The following ZMYND8 variants were observed in gnomAD, a reference collection of about 807,000 sequenced individuals.
The protein encoded by ZMYND8 is MYND-type zinc finger-containing chromatin reader ZMYND8.
A neutral mutation model predicts 140.8 loss-of-function variants in ZMYND8; 37 were observed. The ratio of observed to expected loss-of-function variants is 0.26; its 90% confidence interval spans 0.20 to 0.35. The LOEUF is 0.35. Among genes scored for constraint, ZMYND8 ranks in the 10% least tolerant of loss-of-function variants. The probability of loss-of-function intolerance (pLI) is 1.00; values close to 1 mark genes in which losing one functional copy is unlikely to be tolerated. For synonymous variants in ZMYND8, 592 were observed against 597.1 expected (o/e 0.99, Z 0.12); for missense variants, 1,068 against 1,570.0 (o/e 0.68, Z 5.40).
intron 2 of ZMYND8, among the ~76,000 whole-genome samples, chr20:47,341,071 TGGA>T (rs1423738960): frequency 6.6e-6 from 1 of 152,128 alleles, no homozygotes; most frequent in African/African-American, 2.4e-5. Flanking sequence ...TTCTCACTGT[TGGA>T]GGAGGAGGTT....
chr20:47,238,077 G>T (rs907825389), intron 15 of ZMYND8: 3 of 152,230 alleles, frequency 2.0e-5, no homozygotes, highest in African/African-American at 7.2e-5. Context: ...TGTGCACAAG[G>T]AAATTTATAC....
chr20:47,287,405 C>A (rs2076990462), intron 7 of ZMYND8, 121 bp from the exon 8 acceptor site: 1 of 829,412 alleles, frequency 1.2e-6, no homozygotes, highest in Admixed American at 2.1e-5. Context: ...CTTTTAAAGG[C>A]TAAAACCAGA....
At chr20:47,274,644 A>G (rs2076150638) in intron 11 of ZMYND8, among the ~76,000 whole-genome samples, 1 of 152,198 alleles carries the variant, frequency 6.6e-6, no homozygotes, top group Admixed American at 6.5e-5. Context: ...AATTATGTCA[A>G]TTCCAAAACA....
At chr20:47,256,563 T>G (rs2074745143) in intron 12 of ZMYND8, among the ~76,000 whole-genome samples, 1 of 152,050 alleles carries the variant, frequency 6.6e-6, no homozygotes, top group South Asian at 2.1e-4. Flanking sequence ...GAGCTTACAG[T>G]GAGCCGAGAT....
chr20:47,296,449 T>G (rs764146498), intron 4 of ZMYND8, among the ~76,000 whole-genome samples: 138 of 152,144 alleles, frequency 9.1e-4, no homozygotes, highest in Non-Finnish European at 1.6e-3. Flanking sequence ...AGGAGAGACA[T>G]CCTCCTTTTG....
intron 3 of ZMYND8, among the ~76,000 whole-genome samples, chr20:47,308,600 T>C (rs1436631474): frequency 6.6e-6 from 1 of 152,204 alleles, no homozygotes; most frequent in African/African-American, 2.4e-5. Flanking sequence ...AAACTGACTT[T>C]ATGTTTCATT....
chr20:47,274,838 G>C (rs1167797701), intron 11 of ZMYND8, among the ~76,000 whole-genome samples: 1 of 151,860 alleles, frequency 6.6e-6, no homozygotes, highest in East Asian at 1.9e-4. Context: ...AAAGAAAAAA[G>C]AAAAAAAATT....
At chr20:47,319,165 T>A in intron 2 of ZMYND8, 1 of 579,972 alleles carries the variant, frequency 1.7e-6, no homozygotes, top group Non-Finnish European at 2.8e-6. Flanking sequence ...GCAAGGACAC[T>A]GTCACCTCTT....
intron 17 of ZMYND8, 106 bp downstream of exon 17, chr20:47,229,620 G>T: frequency 9.5e-7 from 1 of 1,056,974 alleles, no homozygotes. Flanking sequence ...TAGTGACCAA[G>T]CCAGGACCCC....
At chr20:47,295,606 A>G (rs2077585963) in intron 4 of ZMYND8, among the ~76,000 whole-genome samples, 1 of 152,216 alleles carries the variant, frequency 6.6e-6, no homozygotes, top group African/African-American at 2.4e-5. Flanking sequence ...CAGTGGACTA[A>G]TAATACGTAT....
At chr20:47,299,534 A>G (rs570127893) in intron 3 of ZMYND8, among the ~76,000 whole-genome samples, 2 of 152,322 alleles carry the variant, frequency 1.3e-5, no homozygotes, top group South Asian at 4.1e-4. Flanking sequence ...GAATAGATCA[A>G]TAGGGTTTCA....
chr20:47,294,689 T>G lies in ZMYND8; in HGVS notation c.544A>C (p.Ile182Leu), dbSNP rs767333418. 6.2e-7 allele frequency: 1 copy of G among 1,614,190 alleles called. No individual in the cohort carries two copies. Among genetic ancestry groups the G allele is most frequent in the Non-Finnish European group, 8.5e-7 (1 of 1,180,010 alleles). Residue 182 changes from isoleucine to leucine, a missense_variant, in exon 5 of 23, where the codon ATT becomes CTT. Transcript: ENST00000471951. ...EQLSYLLKFA[I>L]QKMKQPGTDA... is the part of the protein sequence containing the mutation. ...ACCCCTGGCTGTTTCATTTTCTGAATGGCAAACTTGAGCAGGTAGGATAAC... is the reference window on the plus strand; with the variant it reads ...ACCCCTGGCTGTTTCATTTTCTGAAGGGCAAACTTGAGCAGGTAGGATAAC...
intron 8 of ZMYND8, chr20:47,285,932 T>C (rs1476026955): frequency 1.3e-6 from 1 of 762,006 alleles, no homozygotes; most frequent in African/African-American, 1.9e-5. Flanking sequence ...GGCTGAGGCC[T>C]ATATTCCCAG....
intron 2 of ZMYND8, chr20:47,320,760 A>ATAG (rs2079876819): frequency 6.6e-6 from 1 of 152,184 alleles, no homozygotes; most frequent in Admixed American, 6.6e-5. Flanking sequence ...CATCACTCAG[A>ATAG]TAGTAGTGGG....
chr20:47,212,737 G>A lies in ZMYND8; in HGVS notation c.3485-12C>T, dbSNP rs753866917. The A allele has an allele frequency of 6.2e-6, 10 of 1,602,898 alleles. No individual in the cohort carries two copies. In the South Asian group the frequency reaches 1.0e-4, roughly 16 times the overall value. On this transcript the variant is annotated splice_polypyrimidine_tract_variant and intron_variant, in intron 21 of 22. Transcript: ENST00000471951. ...ACACCTTTTGCTAACTGAAGAGATA[G>A]CACAGGTAGCCTCAGAGTCTGTCAG... is the stretch of plus-strand genomic sequence containing the variant.
chr20:47,230,492 C>T (rs754361066), intron 16 of ZMYND8, among the ~76,000 whole-genome samples: 7 of 151,924 alleles, frequency 4.6e-5, no homozygotes, highest in Non-Finnish European at 7.4e-5. Flanking sequence ...CGGGGTTTCA[C>T]CATGTTGGTC....
Position 47,276,571 on chromosome 20 carries a change from G to C in ZMYND8, c.1223C>G (p.Thr408Ser). The change falls in exon 11 of 23, where the codon ACT (threonine) becomes AGT (serine). Residue 408 changes from threonine (T) to serine (S), a missense_variant. Physicochemically the swap from Thr to Ser is moderately conservative, Grantham distance 58. This residue lies in a region of ZMYND8 where 49 missense variants were observed against 94.1 expected (regional missense o/e 0.52). Coordinates refer to ENST00000471951, the MANE Select transcript of ZMYND8 (RefSeq NM_001281775.3). ...CTTCTCCTGCTTGTCTATCTTGGCA[G>C]TGCCGGCGCTGGGGTTGGTGGGATC... ...LLDPTNPSAG[T>S]AKIDKQEKVK... The C allele has an allele frequency of 6.2e-7, 1 of 1,613,982 alleles. No homozygotes were observed. The highest frequency in any genetic ancestry group is 8.5e-7 in the Non-Finnish European group (1 of 1,180,036).
intron 2 of ZMYND8, 82 bp from the exon 3 acceptor site, chr20:47,310,286 T>A: frequency 1.3e-6 from 2 of 1,503,544 alleles, no homozygotes; most frequent in Non-Finnish European, 1.8e-6. Flanking sequence ...AGGAACCAAG[T>A]GTGGGAACAG....
chr20:47,300,884 T>TTGTGTGTGTGTGTG (rs200833449), intron 3 of ZMYND8, among the ~76,000 whole-genome samples: 11 of 130,296 alleles, frequency 8.4e-5, no homozygotes, highest in South Asian at 2.4e-4. Flanking sequence ...ACAACTAATT[T>TTGTGTGTGTGTGTG]TGTGTGTGTG....
Sources: gnomAD v4.1 joint callset for allele counts (sites outside exome capture counted in the v4.1 genomes callset) on GRCh38, gnomAD v4.1.1 for gene constraint, gnomAD v4.1.1 regional missense constraint, MANE v1.5 for transcripts, NCBI Gene and HGNC (gene_info 2026-07-23, HGNC 2026-07-21) for gene names.